ARAP1: variants seen among roughly 807,000 people sequenced by gnomAD.
ARAP1 encodes the protein ArfGAP with RhoGAP domain, ankyrin repeat and PH domain 1.
A neutral mutation model predicts 172.2 loss-of-function variants in ARAP1; 76 were observed. That is an observed-to-expected ratio of 0.44 (90% CI 0.37 to 0.53). The LOEUF is 0.53. ARAP1 is among the 20% of genes least tolerant of loss of function. The pLI, the probability that ARAP1 is intolerant of heterozygous loss-of-function variation, is 0.00. For synonymous variants in ARAP1, 804 were observed against 803.3 expected, an observed-to-expected ratio of 1.00 and a Z score of -0.01; for missense variants, 1,686 against 1,977.5, an observed-to-expected ratio of 0.85 and a Z score of 2.80.
chr11:72,749,571 C>A (rs1858474115), intron 1 of ARAP1, among the ~76,000 whole-genome samples: 1 of 152,130 alleles, frequency 6.6e-6, no homozygotes, highest in African/African-American at 2.4e-5. Flanking sequence ...CAGCACACAG[C>A]AGGTACTCAA....
intron 30 of ARAP1, among the ~76,000 whole-genome samples, chr11:72,692,192 G>C (rs1368044443): frequency 6.6e-6 from 1 of 152,154 alleles, no homozygotes; most frequent in South Asian, 2.1e-4. Context: ...TTTCCAGACA[G>C]AAGTATCCCC....
At position 72,710,333 on chromosome 11, in the gene ARAP1, G is replaced by A; in HGVS notation, c.1416+52C>T. ...AGGGCTAAGGCCCTAGGTCAGCCTGGGGCAGGGTAGGTGGACATGGGCAGG... is the reference window on the plus strand; with the variant it reads ...AGGGCTAAGGCCCTAGGTCAGCCTGAGGCAGGGTAGGTGGACATGGGCAGG... On this transcript the variant is annotated intron_variant, in intron 10 of 34. Transcript: ENST00000393609. The surrounding 1 kb of genome is among the most constrained non-coding windows in gnomAD (Gnocchi z 4.3). 1 of 1,603,622 alleles carries A rather than the reference G, an allele frequency of 6.2e-7. No individual in the cohort carries two copies. The highest frequency in any genetic ancestry group is 1.1e-5 in the South Asian group (1 of 90,206).
chr11:72,687,407 CCACCCCA>C (rs768487275), intron 33 of ARAP1, 25 bp downstream of exon 33: 22 of 1,613,546 alleles, frequency 1.4e-5, no homozygotes, highest in Non-Finnish European at 1.7e-5. Flanking sequence ...CTCCAGGGAC[CCACCCCA>C]CACCCCACAC....
Position 72,705,799 on chromosome 11 carries a change from C to A in ARAP1, c.1809+6G>T. The stretch of plus-strand genomic sequence containing the variant: ...AAGTATCGGTGGCAAGCAGGGGCAT[C>A]CCCACCTCGATAAGTGTTTCTGTCC... On this transcript the variant is annotated splice_donor_region_variant and intron_variant, in intron 13 of 34. Coordinates refer to ENST00000393609, the MANE Select transcript of ARAP1 (RefSeq NM_001040118.3). 2.5e-6 allele frequency: 4 copies of A among 1,614,024 alleles called. No homozygotes were observed. The highest frequency in any genetic ancestry group is 3.4e-6 in the Non-Finnish European group (4 of 1,179,922).
Position 72,741,792 on chromosome 11 carries a change from G to T in ARAP1, c.-127-9195C>A, listed in dbSNP as rs1262600291. Among the ~76,000 whole-genome samples the T allele has an allele frequency of 1.3e-5, 2 of 152,084 alleles. No homozygotes were observed. The highest frequency in any genetic ancestry group is 2.9e-5 in the Non-Finnish European group (2 of 67,990). On this transcript the variant is annotated intron_variant, in intron 1 of 34. Transcript: ENST00000393609. This position sits in a 1 kb window ranked among gnomAD's most constrained non-coding sequence, Gnocchi z 4.5. Reference sequence around the variant, plus strand: ...CTCACCACGTGCCCTGGGGGCCGAGGGCCAGCACCCACCCTGCCCCAAGAG... The same window carrying T: ...CTCACCACGTGCCCTGGGGGCCGAGTGCCAGCACCCACCCTGCCCCAAGAG...
At position 72,693,941 on chromosome 11, in the gene ARAP1, C is replaced by T. The variant is rs1338643340; in HGVS notation, c.3695-136G>A. ...CAAGTGCCACGACACAAAACACCAC[C>T]ATCATGACCACCCTTCCCATGACCA... On this transcript the variant is annotated intron_variant, in intron 27 of 34. Coordinates refer to ENST00000393609, the MANE Select transcript of ARAP1 (RefSeq NM_001040118.3). The surrounding 1 kb of genome is among the most constrained non-coding windows in gnomAD (Gnocchi z 4.6). The T allele has an allele frequency of 3.0e-6, 2 of 667,656 alleles. No individual in the cohort carries two copies. The highest frequency in any genetic ancestry group is 5.0e-6 in the Non-Finnish European group (2 of 397,214). The allele number at this position is 667,656 out of a possible 1,614,324, so 41.4% of individuals were successfully genotyped here. A position where few individuals can be genotyped will look rare whatever the true frequency, so the allele number is the denominator to read the frequency against.
At chr11:72,746,255 T>C (rs1018580363) in intron 1 of ARAP1, among the ~76,000 whole-genome samples, 2 of 151,924 alleles carry the variant, frequency 1.3e-5, no homozygotes, top group African/African-American at 4.8e-5. Flanking sequence ...GATAACTGAG[T>C]GCCCCTCTGC....
At chr11:72,711,828 C>T (rs745444057) in intron 7 of ARAP1, among the ~76,000 whole-genome samples, 8 of 151,620 alleles carry the variant, frequency 5.3e-5, no homozygotes, top group Non-Finnish European at 7.4e-5. Flanking sequence ...CCCAAGTAGC[C>T]AAAACTACAG....
intron 34 of ARAP1, 109 bp downstream of exon 34, chr11:72,685,933 C>T (rs1270616808): frequency 1.8e-5 from 29 of 1,591,550 alleles, no homozygotes; most frequent in South Asian, 7.7e-5. Flanking sequence ...GGGAGGGGGC[C>T]GGAGGGCAAT....
chr11:72,710,602 T>A lies in ARAP1; in HGVS notation c.1214-15A>T. 1 of 1,595,712 alleles carries A rather than the reference T, an allele frequency of 6.3e-7. No individual in the cohort carries two copies. On this transcript the variant is annotated splice_polypyrimidine_tract_variant and intron_variant, in intron 9 of 34. Coordinates refer to ENST00000393609, the MANE Select transcript of ARAP1 (RefSeq NM_001040118.3). The surrounding 1 kb of genome is among the most constrained non-coding windows in gnomAD (Gnocchi z 4.3). ...CTTCCGCTCCACTGCAGGAGAAGGG[T>A]AGAGGAGTAAGCCCAAGGTTGCAGG...
chr11:72,719,805 A>G (rs1440239633), intron 3 of ARAP1, among the ~76,000 whole-genome samples: 1 of 152,038 alleles, frequency 6.6e-6, no homozygotes, highest in African/African-American at 2.4e-5. Flanking sequence ...GCCCTCCCTG[A>G]CTGAGCTGCA....
chr11:72,711,598 G>A, intron 7 of ARAP1, 99 bp from the exon 8 acceptor site: 1 of 1,024,152 alleles, frequency 9.8e-7, no homozygotes, highest in Non-Finnish European at 1.5e-6. Flanking sequence ...GTGAGGATCA[G>A]CCAGGTTCTA....
At chr11:72,730,060 A>G (rs1430865672) in intron 2 of ARAP1, among the ~76,000 whole-genome samples, 1 of 152,230 alleles carries the variant, frequency 6.6e-6, no homozygotes, top group Non-Finnish European at 1.5e-5. Flanking sequence ...AAGCACCATA[A>G]GCAAAGCCAA....
At chr11:72,749,507 G>A (rs753633720) in intron 1 of ARAP1, among the ~76,000 whole-genome samples, 3 of 152,176 alleles carry the variant, frequency 2.0e-5, no homozygotes, top group East Asian at 1.9e-4. Context: ...GGTGATGGTC[G>A]TCTTATGCTC....
At chr11:72,706,579 CAG>C (rs1856773102) in intron 12 of ARAP1, among the ~76,000 whole-genome samples, 2 of 152,332 alleles carry the variant, frequency 1.3e-5, no homozygotes, top group South Asian at 2.1e-4. Context: ...TCCAGTCAGT[CAG>C]AGAGTTTTCC....
intron 3 of ARAP1, among the ~76,000 whole-genome samples, chr11:72,714,649 C>T (rs1429818355): frequency 6.6e-6 from 1 of 152,108 alleles, no homozygotes; most frequent in South Asian, 2.1e-4. Context: ...GGGAAGGATT[C>T]GTGGAGAAGG....
intron 3 of ARAP1, chr11:72,722,229 G>C (rs1329849079): frequency 4.1e-6 from 4 of 985,532 alleles, no homozygotes; most frequent in Non-Finnish European, 2.4e-6. Flanking sequence ...CTGTGTGTCT[G>C]TGTGTATGTG....
chr11:72,726,969 G>C lies in ARAP1; in HGVS notation c.160C>G (p.Pro54Ala), dbSNP rs1041006646. 1.2e-6 allele frequency: 2 copies of C among 1,602,736 alleles called. No individual in the cohort carries two copies. Among genetic ancestry groups the C allele is most frequent in the Non-Finnish European group, 1.7e-6 (2 of 1,175,206 alleles). ...GCCAGGATGCGGCGGCGGTGACCAG[G>C]GAGTAGCATGCCCATGTCCATCAGG... ...TRLMDMGMLL[P>A]GHRRRILAGL... The change falls in exon 3 of 35, where the codon CCT becomes GCT. Residue 54 changes from proline (P) to alanine (A), a missense_variant. Pro to Ala is a conservative substitution (Grantham distance 27, BLOSUM62 -1). Around this residue, in one of 5 missense-constraint regions of ARAP1, gnomAD observed 190 missense variants for 228.6 expected, o/e 0.83. Coordinates refer to ENST00000393609, the MANE Select transcript of ARAP1 (RefSeq NM_001040118.3). This position sits in a 1 kb window ranked among gnomAD's most constrained non-coding sequence, Gnocchi z 6.5.
Position 72,726,772 on chromosome 11 carries a change from G to C in ARAP1, c.357C>G (p.Pro119=). ...EGLPAAPPIP[P]RRSCLPPTCF... Reference sequence around the variant, plus strand: ...AGGTGGGCGGAAGGCAGCTCCTCCGGGGCGGGATGGGTGGGGCAGCGGGGA... The same window carrying C: ...AGGTGGGCGGAAGGCAGCTCCTCCGCGGCGGGATGGGTGGGGCAGCGGGGA... The change falls in exon 3 of 35, where the codon CCC becomes CCG. Residue 119 remains proline (P), a synonymous_variant. Transcript: ENST00000393609. The surrounding 1 kb of genome is among the most constrained non-coding windows in gnomAD (Gnocchi z 6.5). 6.5e-7 allele frequency: 1 copy of C among 1,549,332 alleles called. No homozygotes were observed. The highest frequency in any genetic ancestry group is 1.4e-5 in the African/African-American group (1 of 73,084).
Sources: gnomAD v4.1 joint callset for allele counts (sites outside exome capture counted in the v4.1 genomes callset) on GRCh38, gnomAD v4.1.1 for gene constraint, gnomAD v4.1.1 regional missense constraint, Gnocchi (gnomAD v3.1) non-coding constraint, MANE v1.5 for transcripts, NCBI Gene and HGNC (gene_info 2026-07-23, HGNC 2026-07-21) for gene names.